MYO5C: variants seen among roughly 807,000 people sequenced by gnomAD.
The protein encoded by MYO5C is unconventional myosin-Vc.
MYO5C carries 194 observed loss-of-function variants against 235.7 expected under a neutral mutation model. That is an observed-to-expected ratio of 0.82 (90% CI 0.73 to 0.93). MYO5C has a LOEUF of 0.93. Ranked by LOEUF, MYO5C falls within the 40% of genes least tolerant of loss-of-function variation. MYO5C has a pLI of 0.00. For synonymous variants in MYO5C, 707 were observed against 754.8 expected (o/e 0.94, Z 1.04); for missense variants, 2,038 against 2,127.2 (o/e 0.96, Z 0.82).
At chr15:52,240,900 C>G (rs1188224400) in intron 20 of MYO5C, among the ~76,000 whole-genome samples, 1 of 152,184 alleles carries the variant, frequency 6.6e-6, no homozygotes, top group Non-Finnish European at 1.5e-5. Context: ...TGAGACCAAA[C>G]TTTTGTCCTA....
At chr15:52,217,321 G>A (rs975199034) in intron 32 of MYO5C, among the ~76,000 whole-genome samples, 4 of 152,222 alleles carry the variant, frequency 2.6e-5, no homozygotes, top group African/African-American at 9.7e-5. Flanking sequence ...CTCCAGAAGA[G>A]GGCGCCAGGA....
intron 23 of MYO5C, among the ~76,000 whole-genome samples, chr15:52,234,863 G>C (rs2036041733): frequency 6.6e-6 from 1 of 152,218 alleles, no homozygotes; most frequent in Admixed American, 6.5e-5. Context: ...TGCTGGGCTA[G>C]AGGTGCGTGT....
intron 40 of MYO5C, 108 bp downstream of exon 40, chr15:52,195,269 G>T: frequency 2.7e-6 from 2 of 728,020 alleles, no homozygotes; most frequent in Non-Finnish European, 4.3e-6. Context: ...ATTTGTATAT[G>T]TGGGTAAATG....
chr15:52,288,105 G>A (rs2140871714), intron 1 of MYO5C, among the ~76,000 whole-genome samples: 1 of 152,306 alleles, frequency 6.6e-6, no homozygotes, highest in Admixed American at 6.5e-5. Flanking sequence ...GAGAAGTAAT[G>A]TGAAAGTCAC....
At chr15:52,214,841 G>C in intron 32 of MYO5C, 151 bp from the exon 33 acceptor site, 1 of 517,194 alleles carries the variant, frequency 1.9e-6, no homozygotes, top group African/African-American at 2.0e-5. Context: ...AGTGTAGTCA[G>C]AGTTGTGCTA....
In MYO5C at chr15:52,235,588, GT is replaced by G. The variant is rs2036062177; in HGVS notation, c.2962+81del. The G allele has an allele frequency of 2.3e-5, 25 of 1,098,478 alleles. No individual in the cohort carries two copies. In the South Asian group the frequency reaches 3.9e-4, roughly 17 times the overall value. 68.0% of individuals were successfully genotyped at this position (1,098,478 alleles called of 1,614,324 possible). A position where few individuals can be genotyped will look rare whatever the true frequency, so the allele number is the denominator to read the frequency against. ...ACTAAGTGTACACCAGAGACCCCTG[GT>G]TCTAAAACTGGTCAACCCCAGTATT... On this transcript the variant is annotated intron_variant, in intron 23 of 40. Coordinates refer to ENST00000261839, the MANE Select transcript of MYO5C (RefSeq NM_018728.4).
intron 1 of MYO5C, among the ~76,000 whole-genome samples, chr15:52,287,765 T>C (rs368914924): frequency 5.9e-5 from 9 of 151,898 alleles, no homozygotes; most frequent in East Asian, 5.8e-4. Context: ...TCACCTGAGA[T>C]TGGGAGATTG....
intron 4 of MYO5C, chr15:52,277,785 T>TCGGTCTA (rs980895484): frequency 2.2e-6 from 1 of 452,948 alleles, no homozygotes; most frequent in Non-Finnish European, 4.4e-6. Flanking sequence ...CTGAAGAAGC[T>TCGGTCTA]CGGTCTAGCC....
At chr15:52,284,149 A>G (rs946055559) in intron 1 of MYO5C, among the ~76,000 whole-genome samples, 2 of 152,112 alleles carry the variant, frequency 1.3e-5, no homozygotes, top group African/African-American at 2.4e-5. Context: ...TATGGGACAT[A>G]GTAACTTTAT....
intron 11 of MYO5C, among the ~76,000 whole-genome samples, chr15:52,255,495 T>C (rs1410232611): frequency 2.0e-5 from 3 of 152,254 alleles, no homozygotes; most frequent in Non-Finnish European, 4.4e-5. Flanking sequence ...TTAGCTTTCA[T>C]GGCTTTTCAG....
At position 52,292,882 on chromosome 15, in the gene MYO5C, C is replaced by T. The variant is rs572615284; in HGVS notation, c.27+2728G>A. On this transcript the variant is annotated intron_variant, in intron 1 of 40. Coordinates refer to ENST00000261839, the MANE Select transcript of MYO5C (RefSeq NM_018728.4). ...CAGGTGGAGTTCGTGTGCCAAGGCA[C>T]GCAGTGGCAACGTGCAAGCAAGGCA... 5.5e-3 allele frequency among the ~76,000 whole-genome samples: 835 copies of T among 152,312 alleles called. 6 individuals carry two copies. The highest frequency in any genetic ancestry group is 6.7e-3 in the Non-Finnish European group (454 of 68,024).
intron 24 of MYO5C, among the ~76,000 whole-genome samples, chr15:52,231,899 A>G (rs1401306137): frequency 6.6e-6 from 1 of 152,206 alleles, no homozygotes; most frequent in African/African-American, 2.4e-5. Context: ...GGTACAGTAC[A>G]AGGTCAGGCA....
At chr15:52,245,560 C>T (rs1380864438) in intron 17 of MYO5C, 95 bp from the exon 18 acceptor site, 12 of 864,230 alleles carry the variant, frequency 1.4e-5, no homozygotes, top group East Asian at 1.2e-4. Flanking sequence ...TGTCATAGGG[C>T]GGGGGTGGTG....
chr15:52,273,932 C>T (rs1242455705), intron 5 of MYO5C, among the ~76,000 whole-genome samples: 2 of 152,132 alleles, frequency 1.3e-5, no homozygotes, highest in African/African-American at 2.4e-5. Context: ...AATCCCTACT[C>T]CTTACTGCTT....
At chr15:52,215,695 G>A (rs1566964949) in intron 32 of MYO5C, among the ~76,000 whole-genome samples, 11 of 151,904 alleles carry the variant, frequency 7.2e-5, no homozygotes. Flanking sequence ...CCATAACCCA[G>A]AAAAAAACCA....
chr15:52,196,359 T>A lies in MYO5C; in HGVS notation c.4945A>T (p.Ser1649Cys). Reference protein sequence around the residue: ...WLLQVKKTTDSDAKEIYERCT... With the variant: ...WLLQVKKTTDCDAKEIYERCT... ...CGTTCGTAGATCTCCTTGGCATCAC[T>A]GTCTGTGGTCTTCTTGACCTGAAGC... Residue 1649 changes from serine (S) to cysteine (C), a missense_variant, in exon 39 of 41, where the codon AGT becomes TGT. Physicochemically the swap from Ser to Cys is moderately radical, Grantham distance 112. Coordinates refer to ENST00000261839, the MANE Select transcript of MYO5C (RefSeq NM_018728.4). The A allele has an allele frequency of 2.5e-6, 4 of 1,614,114 alleles. No individual in the cohort carries two copies. Among genetic ancestry groups the A allele is most frequent in the Non-Finnish European group, 3.4e-6 (4 of 1,180,012 alleles).
In MYO5C at chr15:52,269,830, A is replaced by T. The variant is rs914773913; in HGVS notation, c.863T>A (p.Met288Lys). ...GSAEEFNYTR[M>K]GGNTVIEGVN... ...ACCCTCAATGACAGTATTGCCTCCCATTCTTGTATAATTAAATTCTTCGGC... is the reference window on the plus strand; with the variant it reads ...ACCCTCAATGACAGTATTGCCTCCCTTTCTTGTATAATTAAATTCTTCGGC... Residue 288 changes from methionine to lysine, a missense_variant, in exon 8 of 41, where the codon ATG (methionine) becomes AAG (lysine). Met to Lys is a moderately conservative substitution (Grantham distance 95). Transcript: ENST00000261839. The T allele has an allele frequency of 1.2e-6, 2 of 1,613,226 alleles. No individual in the cohort carries two copies. Among genetic ancestry groups the T allele is most frequent in the African/African-American group, 2.7e-5 (2 of 74,776 alleles).
chr15:52,267,672 C>T (rs770343711), intron 8 of MYO5C, among the ~76,000 whole-genome samples: 2 of 152,084 alleles, frequency 1.3e-5, no homozygotes, highest in African/African-American at 2.4e-5. Context: ...GGCGACAGAG[C>T]GAGACTCCAT....
At chr15:52,209,436 G>A (rs1018086486) in intron 35 of MYO5C, among the ~76,000 whole-genome samples, 3 of 152,270 alleles carry the variant, frequency 2.0e-5, no homozygotes, top group African/African-American at 7.2e-5. Flanking sequence ...CCGGGGTGGA[G>A]GGAAAGGAAT....
Sources: allele counts gnomAD v4.1 joint callset (sites outside exome capture counted in the v4.1 genomes callset), GRCh38; gene constraint gnomAD v4.1.1; transcripts MANE v1.5; gene names NCBI Gene and HGNC (gene_info 2026-07-23, HGNC 2026-07-21).